PDE10A: variants seen among roughly 807,000 people sequenced by gnomAD.
The protein encoded by PDE10A is cAMP and cAMP-inhibited cGMP 3',5'-cyclic phosphodiesterase 10A.
In PDE10A, 39 loss-of-function variants were observed where a neutral mutation model predicts 97.7. That is an observed-to-expected ratio of 0.40 (90% CI 0.31 to 0.52). The LOEUF is 0.52. Ranked by LOEUF, PDE10A falls within the 20% of genes least tolerant of loss-of-function variation. PDE10A has a pLI of 0.56. For synonymous variants in PDE10A, 371 were observed against 376.8 expected (o/e 0.98, Z 0.18); for missense variants, 731 against 1,047.8 (o/e 0.70, Z 4.17).
At chr6:165,924,491 C>A (rs1344971982) in intron 1 of PDE10A, among the ~76,000 whole-genome samples, 2 of 151,700 alleles carry the variant, frequency 1.3e-5, no homozygotes, top group Non-Finnish European at 2.9e-5. Flanking sequence ...CTGTGTGTAC[C>A]ATTCATGGTC....
chr6:165,451,484 C>T (rs750537472), intron 3 of PDE10A, among the ~76,000 whole-genome samples: 18 of 152,280 alleles, frequency 1.2e-4, no homozygotes, highest in East Asian at 1.9e-4. Flanking sequence ...TAAACAAAAA[C>T]GCCTCGCACA....
At chr6:165,567,408 T>C (rs1343024304) in intron 1 of PDE10A, among the ~76,000 whole-genome samples, 1 of 152,216 alleles carries the variant, frequency 6.6e-6, no homozygotes, top group South Asian at 2.1e-4. Context: ...TTCAAATCTA[T>C]GCCTGATTTT....
At chr6:165,745,235 C>T (rs1220163087) in intron 1 of PDE10A, among the ~76,000 whole-genome samples, 2 of 152,122 alleles carry the variant, frequency 1.3e-5, no homozygotes, top group Non-Finnish European at 2.9e-5. Context: ...ACTCATGTAC[C>T]CACCATCTTT....
chr6:165,765,608 T>C (rs180683258), intron 1 of PDE10A, among the ~76,000 whole-genome samples: 15,464 of 150,886 alleles, frequency 0.1, 977 homozygotes, highest in South Asian at 0.2. Flanking sequence ...CACGCCCACC[T>C]GGAACTCCAG....
At chr6:165,507,556 A>G (rs1247341438) in intron 2 of PDE10A, among the ~76,000 whole-genome samples, 1 of 152,090 alleles carries the variant, frequency 6.6e-6, no homozygotes. Context: ...AAGTTCTACA[A>G]TCATCCAAGT....
chr6:165,555,082 A>C (rs926171287), intron 1 of PDE10A, among the ~76,000 whole-genome samples: 1 of 152,178 alleles, frequency 6.6e-6, no homozygotes, highest in African/African-American at 2.4e-5. Flanking sequence ...AAAAATGAAC[A>C]AGTGAATAAG....
At chr6:165,808,227 C>T (rs1057435563) in intron 1 of PDE10A, among the ~76,000 whole-genome samples, 15 of 152,192 alleles carry the variant, frequency 9.9e-5, no homozygotes, top group East Asian at 5.8e-4. Flanking sequence ...CAGTCCTGAG[C>T]GTGGACACAG....
chr6:165,439,895 T>C (rs976562996), intron 5 of PDE10A, among the ~76,000 whole-genome samples: 1 of 152,164 alleles, frequency 6.6e-6, no homozygotes, highest in African/African-American at 2.4e-5. Context: ...AAAAATCCAA[T>C]TCATTGATAT....
chr6:165,451,792 A>G (rs1791311631), intron 3 of PDE10A, among the ~76,000 whole-genome samples: 1 of 152,222 alleles, frequency 6.6e-6, no homozygotes, highest in African/African-American at 2.4e-5. Context: ...GAACAGTGGA[A>G]CAAACCATTA....
chr6:165,645,217 C>T (rs3008046), intron 1 of PDE10A, among the ~76,000 whole-genome samples: 32,687 of 152,150 alleles, frequency 0.21, 3,848 homozygotes, highest in Middle Eastern at 0.39. Flanking sequence ...TGGGAGTGCA[C>T]AGCGAGGGTG....
intron 2 of PDE10A, 47 bp downstream of exon 2, chr6:165,543,393 T>G: frequency 1.3e-6 from 2 of 1,564,410 alleles, no homozygotes; most frequent in Non-Finnish European, 1.7e-6. Flanking sequence ...TCTTTTGCCG[T>G]AAGATAGAAA....
At chr6:165,526,299 G>T (rs1027545607) in intron 2 of PDE10A, among the ~76,000 whole-genome samples, 1 of 152,146 alleles carries the variant, frequency 6.6e-6, no homozygotes, top group African/African-American at 2.4e-5. Flanking sequence ...TTCAGCTCAG[G>T]TCTAACTTAC....
intron 1 of PDE10A, among the ~76,000 whole-genome samples, chr6:165,551,523 C>T (rs539588212): frequency 6.6e-6 from 1 of 152,106 alleles, no homozygotes; most frequent in East Asian, 1.9e-4. Flanking sequence ...GAATTATAAT[C>T]CCCAAAATAT....
At chr6:165,768,554 TTAATAACGTTTGAACA>T (rs1777924364) in intron 1 of PDE10A, among the ~76,000 whole-genome samples, 1 of 152,172 alleles carries the variant, frequency 6.6e-6, no homozygotes, top group Non-Finnish European at 1.5e-5. Context: ...TCCAATATTT[TTAATAACGTTTGAACA>T]CCTACAGGAA....
At chr6:165,801,512 T>G (rs1484170623) in intron 1 of PDE10A, among the ~76,000 whole-genome samples, 1 of 152,156 alleles carries the variant, frequency 6.6e-6, no homozygotes, top group Admixed American at 6.5e-5. Context: ...GCCACTGCAC[T>G]CCAGCCTGGG....
intron 1 of PDE10A, among the ~76,000 whole-genome samples, chr6:165,721,129 G>A (rs556805400): frequency 5.3e-5 from 8 of 152,346 alleles, no homozygotes; most frequent in Admixed American, 6.5e-5. Context: ...TACGAATTCC[G>A]GTTGTGGTAT....
At position 165,512,211 on chromosome 6, in the gene PDE10A, T is replaced by C. The variant is rs564553977; in HGVS notation, c.995-29868A>G. The stretch of plus-strand genomic sequence containing the variant: ...GCTTTACCAGTGAGTTTTATACTTT[T>C]ATATGTTTTTACGATAGTAAATGTC... On this transcript the variant is annotated intron_variant, in intron 2 of 21. Coordinates refer to ENST00000539869, the MANE Select transcript of PDE10A (RefSeq NM_001385079.1). Among the ~76,000 whole-genome samples, 5 of 152,026 alleles carry C rather than the reference T, an allele frequency of 3.3e-5. No homozygotes were observed. The East Asian group carries it at 5.8e-4, about 18-fold the overall frequency.
chr6:165,536,719 C>G (rs1261630926), intron 2 of PDE10A, among the ~76,000 whole-genome samples: 3 of 151,836 alleles, frequency 2.0e-5, no homozygotes, highest in African/African-American at 7.3e-5. Context: ...TATCACTAAT[C>G]ATCAGGAAAA....
intron 2 of PDE10A, among the ~76,000 whole-genome samples, chr6:165,539,891 A>G (rs896715126): frequency 6.6e-6 from 1 of 152,140 alleles, no homozygotes; most frequent in Non-Finnish European, 1.5e-5. Context: ...ACACCACTGC[A>G]CTCCAGCCTG....
Sources: gnomAD v4.1 joint callset for allele counts (sites outside exome capture counted in the v4.1 genomes callset) on GRCh38, gnomAD v4.1.1 for gene constraint, MANE v1.5 for transcripts, NCBI Gene and HGNC (gene_info 2026-07-23, HGNC 2026-07-21) for gene names.